The following MBNL2 variants were observed in gnomAD, a reference collection of about 807,000 sequenced individuals.
The protein encoded by MBNL2 is muscleblind-like protein 2.
Under a neutral mutation model 41.9 loss-of-function variants are expected in MBNL2, and 17 were observed. The ratio of observed to expected loss-of-function variants is 0.41; its 90% CI spans 0.28 to 0.61. The LOEUF is 0.61. MBNL2 is among the 20% of genes least tolerant of loss of function. The pLI is 0.35. For synonymous variants in MBNL2, 195 were observed against 182.9 expected (o/e 1.07, Z -0.53); for missense variants, 336 against 505.6 (o/e 0.66, Z 3.22).
chr13:97,165,825 T>C, the MBNL2 span, among the ~76,000 whole-genome samples: 15,743 of 151,992 alleles, frequency 0.1, 916 homozygotes, highest in South Asian at 0.16. Context: ...TTGTCTAGTC[T>C]CTTTATTTTC....
At chr13:97,332,487 A>C (rs1239537367) in intron 2 of MBNL2, among the ~76,000 whole-genome samples, 1 of 152,208 alleles carries the variant, frequency 6.6e-6, no homozygotes, top group Non-Finnish European at 1.5e-5. Context: ...CAAGGAAGAA[A>C]AGGAAGTAAA....
At chr13:97,263,869 C>T (rs1464498505) in intron 1 of MBNL2, among the ~76,000 whole-genome samples, 4 of 152,218 alleles carry the variant, frequency 2.6e-5, no homozygotes, top group Non-Finnish European at 2.9e-5. Flanking sequence ...CTGCCCGCCT[C>T]GGCCTCCGAA....
At chr13:97,279,019 C>A (rs918264838) in intron 2 of MBNL2, among the ~76,000 whole-genome samples, 1 of 152,182 alleles carries the variant, frequency 6.6e-6, no homozygotes, top group African/African-American at 2.4e-5. Context: ...TGTAGCAACA[C>A]GCTGGCATAT....
upstream of MBNL2, among the ~76,000 whole-genome samples, chr13:97,218,397 G>A (rs1220346566): frequency 7.9e-6 from 1 of 126,976 alleles, no homozygotes; most frequent in Non-Finnish European, 1.6e-5. Flanking sequence ...GCGACAGAGC[G>A]AGACTCTGTC....
At chr13:97,211,597 G>C in the MBNL2 span, among the ~76,000 whole-genome samples, 1 of 152,164 alleles carries the variant, frequency 6.6e-6, no homozygotes, top group Non-Finnish European at 1.5e-5. Context: ...AGTGACATGA[G>C]ACCAAAATGA....
chr13:97,382,499 A>T (rs2065546801), intron 8 of MBNL2, among the ~76,000 whole-genome samples: 1 of 152,150 alleles, frequency 6.6e-6, no homozygotes, highest in Non-Finnish European at 1.5e-5. Context: ...CATGACTAGA[A>T]TGTCATCCGG....
intron 8 of MBNL2, among the ~76,000 whole-genome samples, chr13:97,383,376 T>C (rs1233428643): frequency 6.6e-6 from 1 of 152,244 alleles, no homozygotes; most frequent in Non-Finnish European, 1.5e-5. Context: ...CTCTAAGTTG[T>C]CAATGTGAAC....
Position 97,227,387 on chromosome 13 carries a change from C to T in MBNL2, c.-605+4856C>T, listed in dbSNP as rs144865656. ...GGAGTCAAGAACACTGAAAATGCTG[C>T]GGCCGTTTGCAATCCACAATAGCAA... On this transcript the variant is annotated intron_variant, in intron 1 of 8. Transcript: ENST00000679496. 1.1e-3 allele frequency among the ~76,000 whole-genome samples: 161 copies of T among 152,226 alleles called. 1 individual carries two copies. The highest frequency in any genetic ancestry group is 3.4e-3 in the African/African-American group (143 of 41,538).
the MBNL2 span, among the ~76,000 whole-genome samples, chr13:97,192,948 T>C: frequency 6.6e-6 from 1 of 152,236 alleles, no homozygotes; most frequent in African/African-American, 2.4e-5. Context: ...TGGGCTTTAG[T>C]CCCAAGACAA....
chr13:97,208,934 A>G, the MBNL2 span, among the ~76,000 whole-genome samples: 18 of 152,302 alleles, frequency 1.2e-4, no homozygotes, highest in African/African-American at 3.9e-4. Flanking sequence ...CTGGACATAA[A>G]CTCAGCAATT....
At chr13:97,238,794 G>C (rs541287028) in intron 1 of MBNL2, among the ~76,000 whole-genome samples, 2 of 152,296 alleles carry the variant, frequency 1.3e-5, no homozygotes, top group East Asian at 3.9e-4. Flanking sequence ...TGGGCTGCCT[G>C]GTGGCACCTG....
At chr13:97,368,917 A>G (rs975557818) in intron 8 of MBNL2, among the ~76,000 whole-genome samples, 4 of 152,232 alleles carry the variant, frequency 2.6e-5, no homozygotes, top group Non-Finnish European at 4.4e-5. Flanking sequence ...TTAAAGGAGT[A>G]CCTGACAGTA....
At chr13:97,232,570 T>C (rs2042529733) in intron 1 of MBNL2, among the ~76,000 whole-genome samples, 1 of 152,186 alleles carries the variant, frequency 6.6e-6, no homozygotes, top group Non-Finnish European at 1.5e-5. Flanking sequence ...GATGGTAGGA[T>C]GGAAACATGC....
At chr13:97,158,751 GTC>G in the MBNL2 span, among the ~76,000 whole-genome samples, 1 of 152,008 alleles carries the variant, frequency 6.6e-6, no homozygotes, top group Non-Finnish European at 1.5e-5. Flanking sequence ...TTGCACTGTG[GTC>G]TGAGAGATAG....
the MBNL2 span, among the ~76,000 whole-genome samples, chr13:97,213,579 T>C: frequency 6.6e-6 from 1 of 152,096 alleles, no homozygotes; most frequent in African/African-American, 2.4e-5. Flanking sequence ...TCAGAAACAT[T>C]TGAGATGAGT....
At chr13:97,265,044 T>G (rs2049455395) in intron 1 of MBNL2, among the ~76,000 whole-genome samples, 1 of 152,248 alleles carries the variant, frequency 6.6e-6, no homozygotes, top group Non-Finnish European at 1.5e-5. Flanking sequence ...ACAGATGCAG[T>G]GAAAAACATA....
intron 1 of MBNL2, among the ~76,000 whole-genome samples, chr13:97,246,463 C>T (rs771769429): frequency 2.0e-5 from 3 of 152,174 alleles, no homozygotes; most frequent in Non-Finnish European, 4.4e-5. Context: ...AGGATAAAGA[C>T]TGTTAACGTA....
intron 3 of MBNL2, among the ~76,000 whole-genome samples, chr13:97,335,124 T>C (rs926441637): frequency 3.3e-5 from 5 of 152,208 alleles, no homozygotes; most frequent in African/African-American, 1.2e-4. Flanking sequence ...AGCATATAAA[T>C]ATGTATTGCA....
intron 1 of MBNL2, among the ~76,000 whole-genome samples, chr13:97,231,801 G>GTT (rs542110538): frequency 1.4e-5 from 2 of 146,752 alleles, no homozygotes; most frequent in Non-Finnish European, 3.0e-5. Context: ...CTCCAGAGTT[G>GTT]TTTTTTTTTT....
Sources: gnomAD v4.1 joint callset for allele counts (sites outside exome capture counted in the v4.1 genomes callset) on GRCh38, gnomAD v4.1.1 for gene constraint, MANE v1.5 for transcripts, NCBI Gene and HGNC (gene_info 2026-07-23, HGNC 2026-07-21) for gene names.